FMN2: variants seen among roughly 807,000 people sequenced by gnomAD.
FMN2 encodes the protein formin-2.
FMN2 carries 51 observed loss-of-function variants against 142.3 expected under a neutral mutation model. The observed-to-expected ratio is 0.36, with a 90% confidence interval of 0.29 to 0.45. FMN2 has a LOEUF of 0.45. Among genes scored for constraint, FMN2 ranks in the 20% least tolerant of loss-of-function variants. The pLI, the probability that FMN2 is intolerant of heterozygous loss-of-function variation, is 1.00. For synonymous variants in FMN2, 882 were observed against 869.8 expected, an observed-to-expected ratio of 1.01 and a Z score of -0.25; for missense variants, 1,936 against 2,122.8, an observed-to-expected ratio of 0.91 and a Z score of 1.73.
At chr1:240,399,321 A>G (rs1673893619) in intron 15 of FMN2, among the ~76,000 whole-genome samples, 1 of 152,014 alleles carries the variant, frequency 6.6e-6, no homozygotes, top group Admixed American at 6.5e-5. Flanking sequence ...AACTATCTTC[A>G]TAGCAACCAT....
chr1:240,344,466 T>A (rs897143416), intron 13 of FMN2, among the ~76,000 whole-genome samples: 1 of 152,218 alleles, frequency 6.6e-6, no homozygotes, highest in Non-Finnish European at 1.5e-5. Context: ...CCTCAAGTAT[T>A]TCTCTTTCTC....
At position 240,110,051 on chromosome 1, in the gene FMN2, C is replaced by T. The variant is rs117529142; in HGVS notation, c.1616-13128C>T. Among the ~76,000 whole-genome samples the T allele has an allele frequency of 1.3e-3, 200 of 151,920 alleles. 2 individuals carry two copies. In the East Asian group the frequency reaches 0.031, roughly 23 times the overall value. The stretch of plus-strand genomic sequence containing the variant: ...AAGGCAGTGTGTTCTACACAGACTG[C>T]TTTTAAAATGTTCCTTCTTGGGCTT... On this transcript the variant is annotated intron_variant, in intron 1 of 17. Coordinates refer to ENST00000319653, the MANE Select transcript of FMN2 (RefSeq NM_020066.5).
chr1:240,172,201 T>TACACACACACACAC (rs138951858), intron 2 of FMN2, among the ~76,000 whole-genome samples: 15,183 of 147,108 alleles, frequency 0.1, 798 homozygotes, highest in Middle Eastern at 0.15. Flanking sequence ...CACATACACA[T>TACACACACACACAC]ACACACACAC....
At chr1:240,257,892 G>A in intron 6 of FMN2, 53 bp from the exon 7 acceptor site, 3 of 1,419,372 alleles carry the variant, frequency 2.1e-6, no homozygotes, top group Admixed American at 3.4e-5. Context: ...ATGCTAGTAA[G>A]CATATTGGAG....
chr1:240,330,622 G>A lies in FMN2; in HGVS notation c.4457G>A (p.Gly1486Glu), dbSNP rs1671344495. 1 of 1,613,704 alleles carries A rather than the reference G, an allele frequency of 6.2e-7. No individual in the cohort carries two copies. Among genetic ancestry groups the A allele is most frequent in the African/African-American group, 1.3e-5 (1 of 75,006 alleles). The change falls in exon 11 of 18, where the codon GGG becomes GAG. Residue 1486 changes from glycine (G) to glutamate (E), a missense_variant. Physicochemically the swap from Gly to Glu is moderately conservative, Grantham distance 98. Coordinates refer to ENST00000319653, the MANE Select transcript of FMN2 (RefSeq NM_020066.5). The stretch of plus-strand genomic sequence containing the variant: ...TTACAGACATTAAAAAATGGCCCAG[G>A]GGTTATGCAGGTTCTAGGTTTGGTT... ...KLCETLKNGPGVMQVLGLVLA... is the reference protein window; with the variant it reads ...KLCETLKNGPEVMQVLGLVLA...
chr1:240,359,863 C>T (rs2103052450), intron 14 of FMN2, among the ~76,000 whole-genome samples: 1 of 152,316 alleles, frequency 6.6e-6, no homozygotes, highest in Non-Finnish European at 1.5e-5. Flanking sequence ...ATTTGTCCAT[C>T]AATAGTATAA....
At chr1:240,414,354 A>G (rs544654385) in intron 15 of FMN2, among the ~76,000 whole-genome samples, 21 of 152,310 alleles carry the variant, frequency 1.4e-4, no homozygotes, top group Admixed American at 5.2e-4. Context: ...AAGAGAGAGA[A>G]CTTCACGTCT....
intron 15 of FMN2, among the ~76,000 whole-genome samples, chr1:240,413,163 A>G (rs1292103836): frequency 2.0e-5 from 3 of 149,622 alleles, no homozygotes; most frequent in Non-Finnish European, 4.4e-5. Context: ...GCAAATAAAC[A>G]TAATAGAGAA....
chr1:240,151,382 A>G (rs117080202), intron 2 of FMN2, among the ~76,000 whole-genome samples: 2,034 of 152,166 alleles, frequency 0.013, 85 homozygotes, highest in Admixed American at 0.08. Context: ...ACAGATCTTA[A>G]GGCTGAGCCC....
At chr1:240,372,095 G>A (rs748907535) in intron 14 of FMN2, among the ~76,000 whole-genome samples, 2 of 152,058 alleles carry the variant, frequency 1.3e-5, no homozygotes, top group African/African-American at 2.4e-5. Flanking sequence ...AATTAGCTGG[G>A]CATGGTGGTA....
At chr1:240,347,381 T>A (rs185816649) in intron 13 of FMN2, among the ~76,000 whole-genome samples, 244 of 152,306 alleles carry the variant, frequency 1.6e-3, no homozygotes, top group African/African-American at 5.8e-3. Flanking sequence ...CTCTGAAACC[T>A]ACTCTTCTTC....
At chr1:240,111,588 T>C (rs1262162555) in intron 1 of FMN2, among the ~76,000 whole-genome samples, 1 of 152,150 alleles carries the variant, frequency 6.6e-6, no homozygotes, top group Non-Finnish European at 1.5e-5. Context: ...GAGGTCACTC[T>C]GGTCACCGTC....
intron 3 of FMN2, among the ~76,000 whole-genome samples, chr1:240,181,872 T>G (rs1343652001): frequency 6.6e-6 from 1 of 152,224 alleles, no homozygotes; most frequent in Non-Finnish European, 1.5e-5. Flanking sequence ...TCCATGGCTG[T>G]TTCCCACTCA....
rs149797584 is a variant in FMN2, at chr1:240,338,223, C to G, written c.4765+3994C>G. Among the ~76,000 whole-genome samples the G allele has an allele frequency of 2.4e-4, 37 of 152,266 alleles. No homozygotes were observed. In the East Asian group the frequency reaches 7.2e-3, roughly 29 times the overall value. ...CTGAGTTGAAAACAAGTTTAAAATTCATCAACTATACCTTCAAGTTGAAGC... is the reference window on the plus strand; with the variant it reads ...CTGAGTTGAAAACAAGTTTAAAATTGATCAACTATACCTTCAAGTTGAAGC... On this transcript the variant is annotated intron_variant, in intron 13 of 17. Transcript: ENST00000319653.
intron 6 of FMN2, among the ~76,000 whole-genome samples, chr1:240,236,885 ATTAAACTC>A (rs1667730515): frequency 6.6e-6 from 1 of 152,226 alleles, no homozygotes; most frequent in African/African-American, 2.4e-5. Context: ...CCATATAAAA[ATTAAACTC>A]TTCCAGGGAT....
At chr1:240,352,588 A>T (rs1015170734) in intron 13 of FMN2, among the ~76,000 whole-genome samples, 7 of 152,246 alleles carry the variant, frequency 4.6e-5, no homozygotes, top group African/African-American at 1.4e-4. Flanking sequence ...CTCAAAAAAA[A>T]TTTAAAAAAA....
intron 2 of FMN2, chr1:240,171,054 T>C: frequency 8.2e-7 from 1 of 1,223,488 alleles, no homozygotes; most frequent in Admixed American, 1.7e-5. Flanking sequence ...TTGGAGTAGC[T>C]GCTTCAGGTC....
intron 7 of FMN2, among the ~76,000 whole-genome samples, chr1:240,290,019 G>A (rs1225341421): frequency 2.0e-5 from 3 of 152,176 alleles, no homozygotes; most frequent in Admixed American, 6.5e-5. Flanking sequence ...AGGAGAACAC[G>A]TTAATAGCAA....
intron 7 of FMN2, among the ~76,000 whole-genome samples, chr1:240,269,336 T>C (rs1165236379): frequency 6.6e-6 from 1 of 152,080 alleles, no homozygotes; most frequent in African/African-American, 2.4e-5. Flanking sequence ...ACACCTTTGT[T>C]GCAAATCAAT....
Sources: gnomAD v4.1 joint callset for allele counts (sites outside exome capture counted in the v4.1 genomes callset) on GRCh38, gnomAD v4.1.1 for gene constraint, MANE v1.5 for transcripts, NCBI Gene and HGNC (gene_info 2026-07-23, HGNC 2026-07-21) for gene names.